Variants in UXS1 observed in about 807,000 individuals in gnomAD.
UXS1 encodes the protein UDP-glucuronic acid decarboxylase 1.
UXS1 carries 33 observed loss-of-function variants against 62.6 expected under a neutral mutation model. That is an observed-to-expected ratio of 0.53 (90% confidence interval 0.40 to 0.70). The LOEUF is 0.70. UXS1 is among the 30% of genes least tolerant of loss of function. The pLI is 0.00. For synonymous variants in UXS1, 213 were observed against 206.8 expected (o/e 1.03, Z -0.26); for missense variants, 434 against 556.3 (o/e 0.78, Z 2.21).
intron 11 of UXS1, 24 bp downstream of exon 11, chr2:106,104,770 T>G: frequency 6.2e-7 from 1 of 1,613,946 alleles, no homozygotes. Flanking sequence ...CTGCTAAGGC[T>G]GGGGCAGGGC....
At chr2:106,110,250 T>C (rs939693421) in intron 10 of UXS1, among the ~76,000 whole-genome samples, 9 of 152,204 alleles carry the variant, frequency 5.9e-5, no homozygotes, top group East Asian at 1.9e-4. Flanking sequence ...ACTGCAGTCA[T>C]GGACGGCTCC....
chr2:106,157,267 C>T (rs1011746798), intron 5 of UXS1, among the ~76,000 whole-genome samples: 6 of 22,142 alleles, frequency 2.7e-4, no homozygotes, highest in Non-Finnish European at 4.4e-4. Flanking sequence ...CCCAATAAAG[C>T]TGTTACTTTA....
intron 5 of UXS1, among the ~76,000 whole-genome samples, chr2:106,146,772 CAAAAAA>C (rs55896853): frequency 6.6e-5 from 3 of 45,230 alleles, no homozygotes; most frequent in African/African-American, 2.3e-4. Context: ...GACTCCATCT[CAAAAAA>C]AAAAAAAAAA....
At chr2:106,123,120 T>G in intron 8 of UXS1, 29 bp from the exon 9 acceptor site, 1 of 1,612,622 alleles carries the variant, frequency 6.2e-7, no homozygotes, top group Middle Eastern at 1.7e-4. Context: ...GAGACTGTTT[T>G]CATCTTTCCT....
intron 10 of UXS1, among the ~76,000 whole-genome samples, chr2:106,107,398 G>C (rs150213103): frequency 6.6e-6 from 1 of 152,178 alleles, no homozygotes; most frequent in Admixed American, 6.5e-5. Flanking sequence ...CTCACACACC[G>C]TCTCTCAGAG....
intron 1 of UXS1, among the ~76,000 whole-genome samples, chr2:106,173,023 C>A (rs1683661993): frequency 6.6e-6 from 1 of 152,214 alleles, no homozygotes; most frequent in East Asian, 1.9e-4. Flanking sequence ...CAACAGCCCA[C>A]TTAGCCTTTC....
At chr2:106,107,582 C>T (rs562611309) in intron 10 of UXS1, among the ~76,000 whole-genome samples, 78 of 152,324 alleles carry the variant, frequency 5.1e-4, no homozygotes, top group Non-Finnish European at 7.5e-4. Flanking sequence ...ACCTGCTCAA[C>T]CAAACAAGGG....
chr2:106,185,963 T>C (rs1181485857), intron 1 of UXS1, among the ~76,000 whole-genome samples: 1 of 151,970 alleles, frequency 6.6e-6, no homozygotes, highest in Non-Finnish European at 1.5e-5. Context: ...ATATCTCTTG[T>C]TTCAAAGGCA....
intron 9 of UXS1, among the ~76,000 whole-genome samples, chr2:106,120,814 A>G (rs58575072): frequency 0.13 from 19,579 of 152,214 alleles, 1,742 homozygotes; most frequent in East Asian, 0.35. Context: ...TCCAGGGTGG[A>G]AGGCACATGC....
chr2:106,138,731 T>TC (rs960912627), intron 6 of UXS1: 2 of 985,466 alleles, frequency 2.0e-6, no homozygotes, highest in Non-Finnish European at 2.4e-6. Flanking sequence ...CATCAGACTG[T>TC]CGAGACGTTC....
At chr2:106,150,061 G>A (rs1444863135) in intron 5 of UXS1, among the ~76,000 whole-genome samples, 1 of 152,184 alleles carries the variant, frequency 6.6e-6, no homozygotes, top group African/African-American at 2.4e-5. Flanking sequence ...AAATGTGTCT[G>A]TGTCCTCTGG....
rs143188337 is a variant in UXS1, at chr2:106,188,594, G to T, written c.94+5554C>A. On this transcript the variant is annotated intron_variant, in intron 1 of 14. Transcript: ENST00000283148. Reference sequence around the variant, plus strand: ...GGTTACTGATTAGGCTACAGCCCTCGCTCACTGGGCTCCAGGATGCAGGCA... The same window carrying T: ...GGTTACTGATTAGGCTACAGCCCTCTCTCACTGGGCTCCAGGATGCAGGCA... Among the ~76,000 whole-genome samples, 36 of 152,326 alleles carry T rather than the reference G, an allele frequency of 2.4e-4. No individual in the cohort carries two copies. In the South Asian group the frequency reaches 7.2e-3, roughly 31 times the overall value.
chr2:106,166,803 G>A (rs372725334), intron 1 of UXS1, among the ~76,000 whole-genome samples: 28 of 151,624 alleles, frequency 1.8e-4, no homozygotes, highest in African/African-American at 6.3e-4. Context: ...GACTGCAGGC[G>A]TACGCCATCA....
intron 1 of UXS1, among the ~76,000 whole-genome samples, chr2:106,184,512 T>C (rs538512727): frequency 6.6e-6 from 1 of 152,342 alleles, no homozygotes; most frequent in South Asian, 2.1e-4. Flanking sequence ...CAGGAATTTG[T>C]TTCTCACAGT....
intron 6 of UXS1, among the ~76,000 whole-genome samples, chr2:106,137,138 C>T (rs1372989333): frequency 6.6e-6 from 1 of 151,924 alleles, no homozygotes; most frequent in Non-Finnish European, 1.5e-5. Context: ...GAGGATCTGT[C>T]CAAGTAAAAG....
chr2:106,139,078 AG>A (rs1680886293), intron 6 of UXS1, among the ~76,000 whole-genome samples: 1 of 146,718 alleles, frequency 6.8e-6, no homozygotes, highest in East Asian at 2.2e-4. Context: ...CCCAGGACAA[AG>A]GCCCTGGGAA....
intron 1 of UXS1, among the ~76,000 whole-genome samples, chr2:106,177,321 G>A (rs532985437): frequency 2.0e-5 from 3 of 150,630 alleles, no homozygotes; most frequent in East Asian, 2.0e-4. Flanking sequence ...TCAGCCTCCT[G>A]AGTAGCTAGG....
At chr2:106,098,847 T>TC in intron 12 of UXS1, 74 bp from the exon 13 acceptor site, 4 of 1,401,000 alleles carry the variant, frequency 2.9e-6, no homozygotes, top group Non-Finnish European at 4.0e-6. Flanking sequence ...CACAGGCGTG[T>TC]CTGCAGAGAC....
rs185952985 is a variant in UXS1 at position 106,165,887 on chromosome 2, G to A, written c.122+169C>T. Among the ~76,000 whole-genome samples, 20 of 152,264 alleles carry A rather than the reference G, an allele frequency of 1.3e-4. No homozygotes were observed. In the East Asian group the frequency reaches 3.9e-3, roughly 29 times the overall value. Reference sequence around the variant, plus strand: ...ATTGTTAAAATCAGCTGCATTCCTTGAGAATACCCATAGGAGAAAAGAAAC... The same window carrying A: ...ATTGTTAAAATCAGCTGCATTCCTTAAGAATACCCATAGGAGAAAAGAAAC... On this transcript the variant is annotated intron_variant, in intron 2 of 14. Transcript: ENST00000283148.
Sources: gnomAD v4.1 joint callset for allele counts (sites outside exome capture counted in the v4.1 genomes callset) on GRCh38, gnomAD v4.1.1 for gene constraint, MANE v1.5 for transcripts, NCBI Gene and HGNC (gene_info 2026-07-23, HGNC 2026-07-21) for gene names.